The following ACO2 variants were observed in gnomAD, a reference collection of about 807,000 sequenced individuals.
ACO2 encodes the protein aconitase 2.
In ACO2, 31 loss-of-function variants were observed where a neutral mutation model predicts 84.5. That is an observed-to-expected ratio of 0.37 (90% CI 0.28 to 0.50). ACO2 has a LOEUF of 0.50. Ranked by LOEUF, ACO2 falls within the 20% of genes least tolerant of loss-of-function variation. The pLI is 0.97. For synonymous variants in ACO2, 414 were observed against 412.7 expected (o/e 1.00, Z -0.04); for missense variants, 685 against 1,029.3 (o/e 0.67, Z 4.58).
intron 1 of ACO2, among the ~76,000 whole-genome samples, chr22:41,493,166 C>T (rs1467304521): frequency 6.6e-6 from 1 of 152,080 alleles, no homozygotes; most frequent in Non-Finnish European, 1.5e-5. Context: ...AGCATTAATC[C>T]GGTCATGAGG....
intron 1 of ACO2, among the ~76,000 whole-genome samples, chr22:41,476,129 C>T (rs562902147): frequency 2.0e-5 from 3 of 152,162 alleles, no homozygotes; most frequent in East Asian, 3.9e-4. Flanking sequence ...CATTGTGAGC[C>T]GGGTGTGGTG....
At position 41,523,839 on chromosome 22, in the gene ACO2, C is replaced by A; in HGVS notation, c.1380C>A (p.Ile460=). ...PCIGQWDRKD[I]KKGEKNTIVT... ...CCCTCTGACCTGGCAGGAAGGACAT[C>A]AAGAAGGGGGAGAAGAACACAATCG... The change falls in exon 12 of 18, where the codon ATC becomes ATA. Residue 460 remains isoleucine, a synonymous_variant. Transcript: ENST00000216254. 6.2e-7 allele frequency: 1 copy of A among 1,612,106 alleles called. No homozygotes were observed. The highest frequency in any genetic ancestry group is 1.1e-5 in the South Asian group (1 of 91,000).
chr22:41,471,072 G>T (rs557806681), intron 1 of ACO2, among the ~76,000 whole-genome samples: 2 of 139,478 alleles, frequency 1.4e-5, no homozygotes, highest in African/African-American at 5.4e-5. Flanking sequence ...CTGATCCTGT[G>T]ACCTTGAGTA....
chr22:41,527,374 C>T lies in ACO2; in HGVS notation c.2040C>T (p.His680=). The T allele has an allele frequency of 1.2e-6, 2 of 1,613,860 alleles. No homozygotes were observed. The highest frequency in any genetic ancestry group is 1.7e-6 in the Non-Finnish European group (2 of 1,179,990). Reference sequence around the variant, plus strand: ...AGCATGCAGCTCTGGAGCCTCGCCACCTTGGGGGCCGGGCCATCATCACCA... The same window carrying T: ...AGCATGCAGCTCTGGAGCCTCGCCATCTTGGGGGCCGGGCCATCATCACCA... ...SREHAALEPR[H]LGGRAIITKS... is the part of the protein sequence containing the mutation. The change falls in exon 16 of 18, where the codon CAC becomes CAT. Residue 680 remains histidine, a synonymous_variant. Coordinates refer to ENST00000216254, the MANE Select transcript of ACO2 (RefSeq NM_001098.3).
At chr22:41,524,059 A>G in intron 12 of ACO2, 118 bp downstream of exon 12, 1 of 824,274 alleles carries the variant, frequency 1.2e-6, no homozygotes, top group Non-Finnish European at 2.0e-6. Flanking sequence ...CAGGAGCTAC[A>G]GGCCTTCCCA....
At chr22:41,525,080 C>T (rs2066568714) in intron 13 of ACO2, 112 bp downstream of exon 13, 1 of 1,596,876 alleles carries the variant, frequency 6.3e-7, no homozygotes, top group Admixed American at 1.7e-5. Context: ...GAGAAGGAAG[C>T]AGCTCTGTTC....
chr22:41,478,023 C>T (rs2038040942), intron 1 of ACO2, among the ~76,000 whole-genome samples: 1 of 151,988 alleles, frequency 6.6e-6, no homozygotes. Context: ...CGAGATCACG[C>T]TGCTGCACTC....
At chr22:41,522,616 C>T (rs978701388) in intron 9 of ACO2, among the ~76,000 whole-genome samples, 2 of 152,034 alleles carry the variant, frequency 1.3e-5, no homozygotes, top group African/African-American at 4.8e-5. Context: ...CCAATGGCTA[C>T]AGCATCTTTC....
chr22:41,525,361 G>A lies in ACO2; in HGVS notation c.1761+13G>A, dbSNP rs768372895. The A allele has an allele frequency of 4.3e-6, 7 of 1,612,948 alleles. No homozygotes were observed. Among genetic ancestry groups the A allele is most frequent in the Non-Finnish European group, 5.9e-6 (7 of 1,179,806 alleles). On this transcript the variant is annotated intron_variant, in intron 14 of 17. Coordinates refer to ENST00000216254, the MANE Select transcript of ACO2 (RefSeq NM_001098.3). The stretch of plus-strand genomic sequence containing the variant: ...GATCCTCATCAAGGTCAGCAGCATG[G>A]GGACGGCAGGACAGCCCCACCCTGC...
At chr22:41,519,840 G>A (rs977728806) in intron 8 of ACO2, among the ~76,000 whole-genome samples, 1 of 151,438 alleles carries the variant, frequency 6.6e-6, no homozygotes, top group African/African-American at 2.4e-5. Flanking sequence ...AAGCAACATC[G>A]AATGGGAGAT....
intron 6 of ACO2, chr22:41,516,217 A>C (rs1043533422): frequency 3.3e-6 from 2 of 597,440 alleles, no homozygotes; most frequent in Non-Finnish European, 5.9e-6. Context: ...AGGCCATAGC[A>C]CTAGGCCACC....
chr22:41,503,009 G>A (rs372617387), intron 2 of ACO2, among the ~76,000 whole-genome samples: 1 of 152,154 alleles, frequency 6.6e-6, no homozygotes, highest in South Asian at 2.1e-4. Context: ...GCCTCCCAAA[G>A]TGTTGGGATT....
chr22:41,477,493 G>A (rs984836129), intron 1 of ACO2, among the ~76,000 whole-genome samples: 1 of 152,042 alleles, frequency 6.6e-6, no homozygotes, highest in Non-Finnish European at 1.5e-5. Flanking sequence ...TGGGCCAGAG[G>A]AAGGGGCACC....
At chr22:41,479,419 A>G (rs1175257987) in intron 1 of ACO2, among the ~76,000 whole-genome samples, 1 of 152,208 alleles carries the variant, frequency 6.6e-6, no homozygotes, top group Non-Finnish European at 1.5e-5. Flanking sequence ...TTTCACAGTG[A>G]TGAAACTGAG....
chr22:41,489,115 C>T (rs1261430471), intron 1 of ACO2, among the ~76,000 whole-genome samples: 2 of 152,066 alleles, frequency 1.3e-5, no homozygotes, highest in East Asian at 3.9e-4. Context: ...TGATCACAGC[C>T]CACTGCAGCC....
chr22:41,525,419 G>A (rs1743696423), intron 14 of ACO2, 71 bp downstream of exon 14: 1 of 1,577,130 alleles, frequency 6.3e-7, no homozygotes, highest in Non-Finnish European at 8.6e-7. Context: ...ATCGGGAAGG[G>A]CCATGAACCT....
chr22:41,491,945 G>A (rs2066274425), intron 1 of ACO2, among the ~76,000 whole-genome samples: 1 of 152,184 alleles, frequency 6.6e-6, no homozygotes, highest in Admixed American at 6.5e-5. Context: ...CATATGAGGT[G>A]AGAGGGACTG....
At chr22:41,493,708 G>A (rs140567265) in intron 1 of ACO2, among the ~76,000 whole-genome samples, 8 of 152,240 alleles carry the variant, frequency 5.3e-5, no homozygotes, top group South Asian at 2.1e-4. Context: ...TTGGGAGGCC[G>A]AGATGTGAGG....
intron 9 of ACO2, among the ~76,000 whole-genome samples, chr22:41,521,750 A>T (rs1329477418): frequency 6.6e-6 from 1 of 151,858 alleles, no homozygotes; most frequent in Admixed American, 6.6e-5. Flanking sequence ...TTGGCTGGTT[A>T]TATGGGCTTT....
Sources: allele counts gnomAD v4.1 joint callset (sites outside exome capture counted in the v4.1 genomes callset), GRCh38; gene constraint gnomAD v4.1.1; transcripts MANE v1.5; gene names NCBI Gene and HGNC (gene_info 2026-07-23, HGNC 2026-07-21).